Variants in GCKR observed in about 807,000 individuals in gnomAD.
The protein encoded by GCKR is glucokinase regulator.
Under a neutral mutation model 82.9 loss-of-function variants are expected in GCKR, and 73 were observed. That is an observed-to-expected ratio of 0.88 (90% CI 0.73 to 1.07). The LOEUF (loss-of-function observed/expected upper bound fraction) is 1.07, where lower values mean the gene tolerates loss of function less well. Ranked by LOEUF, GCKR falls within the 50% of genes least tolerant of loss-of-function variation. The pLI, the probability that GCKR is intolerant of heterozygous loss-of-function variation, is 0.00. For missense variants in GCKR, 784 were observed against 782.1 expected (o/e 1.00, Z -0.03); for synonymous variants, 294 against 291.8 (o/e 1.01, Z -0.08).
chr2:27,522,991 G>C (rs191135137), intron 18 of GCKR, among the ~76,000 whole-genome samples: 2 of 150,566 alleles, frequency 1.3e-5, no homozygotes, highest in African/African-American at 4.9e-5. Context: ...CTCTGCCCCC[G>C]GGTTCAAGAG....
rs267599321 is a variant in GCKR at position 27,508,170 on chromosome 2, C to T, written c.1341C>T (p.Ile447=). The change falls in exon 16 of 19, where the codon ATC becomes ATT. Residue 447 remains isoleucine, a splice_region_variant and synonymous_variant. Transcript: ENST00000264717. Reference sequence around the variant, plus strand: ...TGCTCCTCTTTCTCTCTCTCCAGATCCCTCTGAAGAAGCTCTTTCCCTCCA... The same window carrying T: ...TGCTCCTCTTTCTCTCTCTCCAGATTCCTCTGAAGAAGCTCTTTCCCTCCA... ...AHSTVGQTLL[I]PLKKLFPSII... is the part of the protein sequence containing the mutation. The T allele has an allele frequency of 4.4e-6, 7 of 1,605,306 alleles. No individual in the cohort carries two copies. The South Asian group carries it at 5.5e-5, about 13-fold the overall frequency.
chr2:27,505,113 G>GACAGAGCA (rs1308328714), intron 9 of GCKR, among the ~76,000 whole-genome samples: 582 of 100,292 alleles, frequency 5.8e-3, no homozygotes, highest in Middle Eastern at 0.023. Context: ...GTGGCAGAGT[G>GACAGAGCA]AGACTCCATC....
At position 27,523,431 on chromosome 2, in the gene GCKR, G is replaced by A. The variant is rs199570521; in HGVS notation, c.1870G>A (p.Val624Ile). 67 of 1,606,372 alleles carry A rather than the reference G, an allele frequency of 4.2e-5. No individual in the cohort carries two copies. The African/African-American group carries it at 7.3e-4, about 18-fold the overall frequency. Residue 624 changes from valine to isoleucine, a missense_variant, in exon 19 of 19, where the codon GTT becomes ATT. Physicochemically the swap from Val to Ile is conservative, Grantham distance 29. Coordinates refer to ENST00000264717, the MANE Select transcript of GCKR (RefSeq NM_001486.4). ...ADPLEILEPDVQ is the reference protein window; with the variant it reads ...ADPLEILEPDIQ ...CCCCCTCGAGATCCTAGAGCCTGAC[G>A]TTCAGTGAACCCATGTTTCTGGGTG...
At chr2:27,503,976 TA>T (rs1375004499) in intron 9 of GCKR, among the ~76,000 whole-genome samples, 1 of 152,248 alleles carries the variant, frequency 6.6e-6, no homozygotes, top group Non-Finnish European at 1.5e-5. Context: ...ATATGGGCTT[TA>T]AAAAATGGGG....
intron 16 of GCKR, among the ~76,000 whole-genome samples, chr2:27,516,280 C>CTTTTTTTTTTT (rs1572873022): frequency 1.1e-5 from 1 of 88,398 alleles, no homozygotes; most frequent in African/African-American, 4.6e-5. Context: ...GTTCTTCATT[C>CTTTTTTTTTTT]TTGTTTTTTT....
intron 3 of GCKR, 95 bp downstream of exon 3, chr2:27,497,725 C>T: frequency 1.3e-6 from 1 of 790,608 alleles, no homozygotes; most frequent in Non-Finnish European, 2.2e-6. Context: ...ATCTCATTCT[C>T]CTTTCTCCCT....
Position 27,501,109 on chromosome 2 carries a change from A to G in GCKR, c.550-26A>G, listed in dbSNP as rs376206270. On this transcript the variant is annotated intron_variant, in intron 7 of 18. Transcript: ENST00000264717. ...CACTCAGAGTAATGACCCCCTCATC[A>G]TGCCCTTCTCTCTCTTCACCATCAG... is the stretch of plus-strand genomic sequence containing the variant. The G allele has an allele frequency of 4.6e-6, 7 of 1,516,392 alleles. No homozygotes were observed. The African/African-American group carries it at 8.2e-5, about 18-fold the overall frequency. The allele number at this position is 1,516,392 out of a possible 1,614,324, so 93.9% of individuals were successfully genotyped here. A position where few individuals can be genotyped will look rare whatever the true frequency, so the allele number is the denominator to read the frequency against.
At chr2:27,504,142 G>A (rs1669650255) in intron 9 of GCKR, among the ~76,000 whole-genome samples, 2 of 152,140 alleles carry the variant, frequency 1.3e-5, no homozygotes, top group South Asian at 4.1e-4. Flanking sequence ...GGCCTTACGA[G>A]GGCCTTAGCC....
intron 9 of GCKR, among the ~76,000 whole-genome samples, chr2:27,504,075 CT>C (rs1275130975): frequency 6.6e-6 from 1 of 152,166 alleles, no homozygotes; most frequent in East Asian, 1.9e-4. Context: ...TCTCTTGTTC[CT>C]TTTTTTCTCA....
chr2:27,518,865 C>A lies in GCKR; in HGVS notation c.1500C>A (p.Ile500=), dbSNP rs567352717. Residue 500 remains isoleucine, a synonymous_variant, in exon 17 of 19, where the codon ATC becomes ATA. Transcript: ENST00000264717. ...GTGCTCATGTGCTTCTTGGTAAGAT[C>A]CTACAAAACCACATGTTGGACCTTC... ...STGAHVLLGK[I]LQNHMLDLRI... is the part of the protein sequence containing the mutation. 6.2e-7 allele frequency: 1 copy of A among 1,613,412 alleles called. No homozygotes were observed. Among genetic ancestry groups the A allele is most frequent in the East Asian group, 2.2e-5 (1 of 44,864 alleles).
intron 16 of GCKR, chr2:27,509,425 C>A: frequency 3.5e-6 from 1 of 282,392 alleles, no homozygotes; most frequent in South Asian, 2.9e-5. Flanking sequence ...CTGCAACCTC[C>A]GCCTCCCCTG....
intron 17 of GCKR, among the ~76,000 whole-genome samples, chr2:27,521,691 A>G (rs191384615): frequency 2.4e-3 from 357 of 150,732 alleles, no homozygotes; most frequent in Admixed American, 4.9e-3. Flanking sequence ...TTAAACTTAC[A>G]TATGTGGTTT....
chr2:27,507,349 C>T, intron 13 of GCKR, 38 bp downstream of exon 13: 3 of 1,282,628 alleles, frequency 2.3e-6, no homozygotes, highest in Non-Finnish European at 3.4e-6. Context: ...CTGGGGAGAC[C>T]ACTAGTGTGC....
At position 27,509,828 on chromosome 2, in the gene GCKR, T is replaced by C. The variant is rs1158312008; in HGVS notation, c.1422+1577T>C. ...ATTTTGGAGAATGTCCTTTTAAATTTCTATTATATGCATATATAAATATAT... is the reference window on the plus strand; with the variant it reads ...ATTTTGGAGAATGTCCTTTTAAATTCCTATTATATGCATATATAAATATAT... On this transcript the variant is annotated intron_variant, in intron 16 of 18. Coordinates refer to ENST00000264717, the MANE Select transcript of GCKR (RefSeq NM_001486.4). The C allele has an allele frequency of 1.9e-5, 3 of 159,458 alleles. No individual in the cohort carries two copies. In the East Asian group the frequency reaches 5.1e-4, roughly 27 times the overall value. 9.9% of individuals were successfully genotyped at this position (159,458 alleles called of 1,614,324 possible). A position where few individuals can be genotyped will look rare whatever the true frequency, so the allele number is the denominator to read the frequency against.
At chr2:27,516,647 T>A (rs754164083) in intron 16 of GCKR, among the ~76,000 whole-genome samples, 1 of 152,214 alleles carries the variant, frequency 6.6e-6, no homozygotes, top group African/African-American at 2.4e-5. Flanking sequence ...TTTTTCCATG[T>A]GTACTTTAAA....
At position 27,507,739 on chromosome 2, in the gene GCKR, C is replaced by T. The variant is rs544395651; in HGVS notation, c.1202C>T (p.Thr401Met). Residue 401 changes from threonine (T) to methionine (M), a missense_variant, in exon 14 of 19, where the codon ACG becomes ATG. By Grantham distance (81) the Thr-to-Met change is moderately conservative. Coordinates refer to ENST00000264717, the MANE Select transcript of GCKR (RefSeq NM_001486.4). ...DFLTSILPSL[T>M]EIDTVVFIFT... ...CTGACTTCCATCCTTCCCTCTCTCA[C>T]GGAAATCGATACTGTGGTCTTCATT... 5.8e-5 allele frequency: 93 copies of T among 1,608,414 alleles called. 1 individual carries two copies. Among genetic ancestry groups the T allele is most frequent in the Middle Eastern group, 3.3e-4 (2 of 5,978 alleles).
intron 7 of GCKR, among the ~76,000 whole-genome samples, chr2:27,499,944 G>A (rs1572859571): frequency 6.6e-6 from 1 of 151,812 alleles, no homozygotes. Flanking sequence ...TTTTAGTAGA[G>A]ACAGAGTTTC....
chr2:27,498,827 T>G, intron 5 of GCKR, 30 bp downstream of exon 5: 1 of 1,280,438 alleles, frequency 7.8e-7, no homozygotes, highest in Non-Finnish European at 1.1e-6. Context: ...GAATATTTTG[T>G]TTGACCTAAA....
At chr2:27,521,471 C>A (rs1670153262) in intron 17 of GCKR, among the ~76,000 whole-genome samples, 1 of 149,588 alleles carries the variant, frequency 6.7e-6, no homozygotes, top group African/African-American at 2.5e-5. Flanking sequence ...GCTGGGATTA[C>A]AGGCATGCGC....
Sources: allele counts gnomAD v4.1 joint callset (sites outside exome capture counted in the v4.1 genomes callset), GRCh38; gene constraint gnomAD v4.1.1; transcripts MANE v1.5; gene names NCBI Gene and HGNC (gene_info 2026-07-23, HGNC 2026-07-21).